The following TYW1 variants were observed in gnomAD, a reference collection of about 807,000 sequenced individuals.
TYW1 encodes S-adenosyl-L-methionine-dependent tRNA 4-demethylwyosine synthase TYW1.
In TYW1, 46 loss-of-function variants were observed where a neutral mutation model predicts 96.2. The observed-to-expected ratio is 0.48, with a 90% confidence interval of 0.38 to 0.61. TYW1 has a LOEUF of 0.61. TYW1 is among the 20% of genes least tolerant of loss of function. The pLI is 0.00. For synonymous variants in TYW1, 274 were observed against 323.0 expected (o/e 0.85, Z 1.63); for missense variants, 684 against 909.6 (o/e 0.75, Z 3.19).
chr7:67,081,418 CTT>C (rs751694320), intron 10 of TYW1, among the ~76,000 whole-genome samples: 8 of 129,416 alleles, frequency 6.2e-5, no homozygotes, highest in Admixed American at 7.8e-5. Flanking sequence ...CTCAAGGTGG[CTT>C]TTTTTTTTTT....
intron 14 of TYW1, among the ~76,000 whole-genome samples, chr7:67,194,406 C>T (rs1212670614): frequency 6.6e-6 from 1 of 151,372 alleles, no homozygotes; most frequent in Non-Finnish European, 1.5e-5. Context: ...AGGTAGATTG[C>T]TTGAGGCCAG....
At chr7:67,148,281 C>T (rs1216830035) in intron 13 of TYW1, among the ~76,000 whole-genome samples, 2 of 151,488 alleles carry the variant, frequency 1.3e-5, no homozygotes, top group Admixed American at 6.6e-5. Context: ...ACCTGTTTCT[C>T]AGGATTCTTG....
intron 12 of TYW1, among the ~76,000 whole-genome samples, chr7:67,108,630 C>CG (rs1030029894): frequency 6.6e-6 from 1 of 151,524 alleles, no homozygotes; most frequent in Non-Finnish European, 1.5e-5. Context: ...CTGAGAGAAA[C>CG]GGGGTTTCAC....
intron 6 of TYW1, among the ~76,000 whole-genome samples, chr7:67,022,569 T>C (rs1584473958): frequency 1.3e-5 from 2 of 152,300 alleles, no homozygotes; most frequent in East Asian, 3.9e-4. Context: ...CTGAAGGTAT[T>C]GTTATATATT....
chr7:67,010,473 A>G (rs1793754640), intron 4 of TYW1, among the ~76,000 whole-genome samples: 1 of 150,620 alleles, frequency 6.6e-6, no homozygotes, highest in Non-Finnish European at 1.5e-5. Context: ...GCTAATTTTA[A>G]AAGATTTTTT....
At chr7:67,075,925 A>T (rs1796188802) in intron 10 of TYW1, among the ~76,000 whole-genome samples, 1 of 152,246 alleles carries the variant, frequency 6.6e-6, no homozygotes, top group South Asian at 2.1e-4. Context: ...CTGTGCTAAC[A>T]TTCTTAGATA....
chr7:67,159,528 G>T (rs1462973320), intron 13 of TYW1, among the ~76,000 whole-genome samples: 1 of 151,990 alleles, frequency 6.6e-6, no homozygotes, highest in East Asian at 1.9e-4. Flanking sequence ...TATCACTAAG[G>T]TGTATAAAAA....
intron 12 of TYW1, among the ~76,000 whole-genome samples, chr7:67,105,267 A>G (rs1797200594): frequency 6.6e-6 from 1 of 152,206 alleles, no homozygotes; most frequent in African/African-American, 2.4e-5. Context: ...TTTACAGTCT[A>G]CATACAGCAC....
At chr7:67,135,898 G>A (rs12536147) in intron 13 of TYW1, among the ~76,000 whole-genome samples, 6,071 of 152,226 alleles carry the variant, frequency 0.04, 177 homozygotes, top group Middle Eastern at 0.1. Flanking sequence ...CTTATCATAA[G>A]TTCTTTTATT....
intron 13 of TYW1, among the ~76,000 whole-genome samples, chr7:67,127,532 T>C (rs942103554): frequency 6.6e-6 from 1 of 152,202 alleles, no homozygotes; most frequent in African/African-American, 2.4e-5. Context: ...ATTTTACTTA[T>C]ACATAGGCAT....
At position 67,239,328 on chromosome 7, in the gene TYW1, C is replaced by G; in HGVS notation, c.*799C>G. On this transcript the variant is annotated 3_prime_UTR_variant, in exon 16 of 16. Transcript: ENST00000359626. ...ACTGTCCAGGCCTCTCATATCATGA[C>G]CAGACGGCGGGTCTCCATCTTCTTT... The G allele has an allele frequency of 7.1e-6, 7 of 985,360 alleles. No homozygotes were observed. The highest frequency in any genetic ancestry group is 7.2e-6 in the Non-Finnish European group (6 of 829,894). The allele number at this position is 985,360 out of a possible 1,614,324, so 61.0% of individuals were successfully genotyped here.
At chr7:67,023,486 A>G (rs532378717) in intron 6 of TYW1, among the ~76,000 whole-genome samples, 20 of 151,934 alleles carry the variant, frequency 1.3e-4, no homozygotes, top group Non-Finnish European at 2.4e-4. Flanking sequence ...TCTCTTTATC[A>G]GCTGGGCACG....
chr7:67,001,485 G>A lies in TYW1; in HGVS notation c.273+2531G>A, dbSNP rs988872660. On this transcript the variant is annotated intron_variant, in intron 3 of 15. Coordinates refer to ENST00000359626, the MANE Select transcript of TYW1 (RefSeq NM_018264.4). ...TCGCCAGGCTGGAGTGCAGTGGCGC[G>A]ATCTCGGCTCACTGCAACCTCTGCT... 7.7e-4 allele frequency among the ~76,000 whole-genome samples: 117 copies of A among 151,330 alleles called. 1 individual carries two copies. Among genetic ancestry groups the A allele is most frequent in the Admixed American group, 1.7e-3 (26 of 15,212 alleles).
chr7:67,054,021 T>C (rs1795438729), intron 8 of TYW1, among the ~76,000 whole-genome samples: 3 of 152,238 alleles, frequency 2.0e-5, no homozygotes, highest in African/African-American at 7.2e-5. Context: ...GCCAAGGTAA[T>C]GGGAGGGCTC....
At chr7:67,015,846 C>T (rs1219821292) in intron 5 of TYW1, among the ~76,000 whole-genome samples, 1 of 151,802 alleles carries the variant, frequency 6.6e-6, no homozygotes, top group Non-Finnish European at 1.5e-5. Flanking sequence ...GCCTGTAGTT[C>T]CAGCTACTCG....
intron 15 of TYW1, among the ~76,000 whole-genome samples, chr7:67,211,819 T>TA (rs1167942030): frequency 1.3e-5 from 2 of 152,230 alleles, no homozygotes; most frequent in Non-Finnish European, 2.9e-5. Flanking sequence ...CTTTTGCCTC[T>TA]AGTCTTGCAG....
Position 67,132,654 on chromosome 7 carries a change from C to T in TYW1, c.1698+15036C>T, listed in dbSNP as rs145830992. On this transcript the variant is annotated intron_variant, in intron 13 of 15. Coordinates refer to ENST00000359626, the MANE Select transcript of TYW1 (RefSeq NM_018264.4). Reference sequence around the variant, plus strand: ...CTATTACCACCATCCATCTCCAGAGCTGTTTAATCTCCCCATTCTTTCCCC... The same window carrying T: ...CTATTACCACCATCCATCTCCAGAGTTGTTTAATCTCCCCATTCTTTCCCC... Among the ~76,000 whole-genome samples, 511 of 141,288 alleles carry T rather than the reference C, an allele frequency of 3.6e-3. 4 individuals are homozygous for T. Among genetic ancestry groups the T allele is most frequent in the African/African-American group, 0.013 (469 of 34,930 alleles). The allele number at this position is 141,288 out of a possible 152,430, so 92.7% of individuals were successfully genotyped here.
intron 10 of TYW1, among the ~76,000 whole-genome samples, chr7:67,073,038 C>T (rs1329044316): frequency 2.0e-5 from 3 of 146,644 alleles, no homozygotes; most frequent in Admixed American, 7.1e-5. Context: ...CTCCTCTTAG[C>T]CTCCCAAAGT....
intron 10 of TYW1, among the ~76,000 whole-genome samples, chr7:67,080,176 G>T (rs1409429864): frequency 6.6e-6 from 1 of 152,058 alleles, no homozygotes; most frequent in Non-Finnish European, 1.5e-5. Context: ...TGATGTTGAT[G>T]CCCCCAACTA....
Sources: allele counts gnomAD v4.1 joint callset (sites outside exome capture counted in the v4.1 genomes callset), GRCh38; gene constraint gnomAD v4.1.1; transcripts MANE v1.5; gene names NCBI Gene and HGNC (gene_info 2026-07-23, HGNC 2026-07-21).